The following PIK3CB variants were observed in gnomAD, a reference collection of about 807,000 sequenced individuals.
The protein encoded by PIK3CB is phosphatidylinositol 4,5-bisphosphate 3-kinase catalytic subunit beta isoform.
Under a neutral mutation model 136.8 loss-of-function variants are expected in PIK3CB, and 39 were observed. The observed-to-expected ratio is 0.29, with a 90% CI of 0.22 to 0.37. The LOEUF is 0.37. Ranked by LOEUF, PIK3CB falls within the 10% of genes least tolerant of loss-of-function variation. PIK3CB has a pLI of 1.00. For missense variants in PIK3CB, 868 were observed against 1,275.4 expected (o/e 0.68, Z 4.87); for synonymous variants, 428 against 436.6 (o/e 0.98, Z 0.25).
chr3:138,759,335 G>A lies in PIK3CB; in HGVS notation c.9C>T (p.Phe3=), dbSNP rs2108734410. Residue 3 remains phenylalanine, a synonymous_variant, in exon 3 of 24, where the codon TTC becomes TTT. Transcript: ENST00000674063. ...CCATAGCAGGAGGCATTATGAAACT[G>A]AAGCACATTCATAACCACGGGGCCC... MC[F]SFIMPPAMAD... is the part of the protein sequence containing the mutation. 6.2e-7 allele frequency: 1 copy of A among 1,606,844 alleles called. No homozygotes were observed. Among genetic ancestry groups the A allele is most frequent in the Non-Finnish European group, 8.5e-7 (1 of 1,174,938 alleles).
intron 1 of PIK3CB, chr3:138,825,036 G>T: frequency 4.3e-6 from 1 of 230,024 alleles, no homozygotes; most frequent in Non-Finnish European, 9.0e-6. Flanking sequence ...ACTCCAATCT[G>T]GGTGACAGAG....
At chr3:138,670,255 T>C (rs940327701) in intron 19 of PIK3CB, among the ~76,000 whole-genome samples, 2 of 152,208 alleles carry the variant, frequency 1.3e-5, no homozygotes, top group East Asian at 1.9e-4. Flanking sequence ...GAACTAAGAA[T>C]GCCAGGAAAC....
chr3:138,693,194 A>T (rs1201130844), intron 14 of PIK3CB, among the ~76,000 whole-genome samples: 1 of 151,994 alleles, frequency 6.6e-6, no homozygotes, highest in African/African-American at 2.4e-5. Flanking sequence ...CCAGGGCTCA[A>T]GTGATCCTCC....
intron 15 of PIK3CB, among the ~76,000 whole-genome samples, chr3:138,690,009 A>G (rs1399622056): frequency 6.6e-6 from 1 of 152,200 alleles, no homozygotes; most frequent in African/African-American, 2.4e-5. Context: ...TTGAAAAAGG[A>G]AGGAATACTT....
intron 19 of PIK3CB, among the ~76,000 whole-genome samples, chr3:138,676,358 C>A (rs543451978): frequency 6.6e-6 from 1 of 152,278 alleles, no homozygotes; most frequent in South Asian, 2.1e-4. Context: ...AACCTTTGTA[C>A]ATTGCTGGTT....
chr3:138,732,349 C>A (rs759821363), intron 8 of PIK3CB, among the ~76,000 whole-genome samples: 1 of 152,140 alleles, frequency 6.6e-6, no homozygotes. Flanking sequence ...ACCCACTTGT[C>A]TAACACCAAA....
chr3:138,739,351 G>T (rs1014637692), intron 5 of PIK3CB, among the ~76,000 whole-genome samples: 1 of 152,086 alleles, frequency 6.6e-6, no homozygotes, highest in Non-Finnish European at 1.5e-5. Flanking sequence ...GGCTAGGCAG[G>T]AGAATCACTT....
intron 12 of PIK3CB, among the ~76,000 whole-genome samples, chr3:138,702,767 C>A (rs1275264180): frequency 1.3e-5 from 2 of 152,074 alleles, no homozygotes; most frequent in African/African-American, 2.4e-5. Flanking sequence ...TAAATTTATA[C>A]ACAAACACAC....
rs186682174 is a variant in PIK3CB, at chr3:138,781,432, A to G, written c.-17+15031T>C. 2.8e-3 allele frequency among the ~76,000 whole-genome samples: 429 copies of G among 151,914 alleles called. 2 individuals are homozygous for G. Among genetic ancestry groups the G allele is most frequent in the African/African-American group, 9.9e-3 (411 of 41,410 alleles). ...AGTTTGAAGCCAGCCTGGACAACATAGTGAGACCCCCATCTCTACAGAAAT... is the reference window on the plus strand; with the variant it reads ...AGTTTGAAGCCAGCCTGGACAACATGGTGAGACCCCCATCTCTACAGAAAT... On this transcript the variant is annotated intron_variant, in intron 2 of 23. Coordinates refer to ENST00000674063, the MANE Select transcript of PIK3CB (RefSeq NM_006219.3).
At chr3:138,756,634 A>G (rs2045574077) in intron 3 of PIK3CB, among the ~76,000 whole-genome samples, 1 of 152,186 alleles carries the variant, frequency 6.6e-6, no homozygotes, top group South Asian at 2.1e-4. Context: ...AAGGGATTGC[A>G]TATTTTGTTA....
At chr3:138,697,088 G>C (rs2044153065) in intron 13 of PIK3CB, among the ~76,000 whole-genome samples, 1 of 152,090 alleles carries the variant, frequency 6.6e-6, no homozygotes, top group Non-Finnish European at 1.5e-5. Flanking sequence ...CTCTCTATAA[G>C]ACAGCTTTTA....
chr3:138,780,179 C>G (rs746082796), intron 2 of PIK3CB, among the ~76,000 whole-genome samples: 2 of 151,980 alleles, frequency 1.3e-5, no homozygotes, highest in Non-Finnish European at 2.9e-5. Context: ...AGACTGGTCT[C>G]GAACTCCCGA....
At chr3:138,775,642 T>C (rs1190430645) in intron 2 of PIK3CB, among the ~76,000 whole-genome samples, 2 of 152,168 alleles carry the variant, frequency 1.3e-5, no homozygotes, top group Non-Finnish European at 2.9e-5. Flanking sequence ...GTTGCTGTCA[T>C]GAAACCCCCT....
In PIK3CB at chr3:138,690,988, T is replaced by A; in HGVS notation, c.2036+12A>T. On this transcript the variant is annotated intron_variant, in intron 15 of 23. Coordinates refer to ENST00000674063, the MANE Select transcript of PIK3CB (RefSeq NM_006219.3). ...CACCTGGTGGGCTCAAAGTAAAATA[T>A]AAAAGACTTACCTAAGATGCCAAAA... 6.2e-7 allele frequency: 1 copy of A among 1,602,470 alleles called. No individual in the cohort carries two copies. Among genetic ancestry groups the A allele is most frequent in the Non-Finnish European group, 8.5e-7 (1 of 1,175,414 alleles).
Position 138,734,942 on chromosome 3 carries a change from A to T in PIK3CB, c.802-138T>A, listed in dbSNP as rs960730147. The T allele has an allele frequency of 6.6e-4, 243 of 367,694 alleles. 1 individual carries two copies. The highest frequency in any genetic ancestry group is 6.7e-4 in the Non-Finnish European group (148 of 221,782). 22.8% of individuals were successfully genotyped at this position (367,694 alleles called of 1,614,324 possible). A position where few individuals can be genotyped will look rare whatever the true frequency, so the allele number is the denominator to read the frequency against. On this transcript the variant is annotated intron_variant, in intron 6 of 23. Transcript: ENST00000674063. ...ACCACAGCAGAATATCAAGAAATTA[A>T]AAAAAAAAAATTTTTTTTTTTTTTT...
rs1347171148 is a variant in PIK3CB at position 138,655,337 on chromosome 3, A to G, written c.*52T>C. ...GTCATGTTCAATTTAGTGCAAGTGC[A>G]AAATGAAAATGAAATGAAACCAACA... On this transcript the variant is annotated 3_prime_UTR_variant, in exon 24 of 24. Coordinates refer to ENST00000674063, the MANE Select transcript of PIK3CB (RefSeq NM_006219.3). 1.9e-6 allele frequency: 3 copies of G among 1,587,480 alleles called. No homozygotes were observed. Among genetic ancestry groups the G allele is most frequent in the Admixed American group, 1.7e-5 (1 of 59,054 alleles).
chr3:138,762,067 C>T (rs568184787), intron 2 of PIK3CB, among the ~76,000 whole-genome samples: 1 of 151,096 alleles, frequency 6.6e-6, no homozygotes, highest in African/African-American at 2.4e-5. Flanking sequence ...ACTGACATGG[C>T]GAAACCCTGT....
At chr3:138,792,965 C>CT (rs1376877101) in intron 2 of PIK3CB, among the ~76,000 whole-genome samples, 2 of 152,130 alleles carry the variant, frequency 1.3e-5, no homozygotes, top group Non-Finnish European at 1.5e-5. Context: ...TCTTATCTTA[C>CT]TTTTTTTAAT....
chr3:138,721,953 T>C (rs904917733), intron 8 of PIK3CB, among the ~76,000 whole-genome samples: 3 of 152,148 alleles, frequency 2.0e-5, no homozygotes, highest in Admixed American at 6.6e-5. Flanking sequence ...AACTCATAAA[T>C]AACTAGTTTG....
Sources: gnomAD v4.1 joint callset for allele counts (sites outside exome capture counted in the v4.1 genomes callset) on GRCh38, gnomAD v4.1.1 for gene constraint, MANE v1.5 for transcripts, NCBI Gene and HGNC (gene_info 2026-07-23, HGNC 2026-07-21) for gene names.